The following PTPRD variants were observed in gnomAD, a reference collection of about 807,000 sequenced individuals.
PTPRD encodes protein tyrosine phosphatase receptor type D.
Under a neutral mutation model 214.5 loss-of-function variants are expected in PTPRD, and 34 were observed. The ratio of observed to expected loss-of-function variants is 0.16; its 90% CI spans 0.12 to 0.21. The LOEUF is 0.21. PTPRD is among the 10% of genes least tolerant of loss of function. PTPRD has a pLI of 1.00. For missense variants in PTPRD, 2,545 were observed against 2,398.7 expected, an observed-to-expected ratio of 1.06 and a Z score of -1.27; for synonymous variants, 1,128 against 845.7, an observed-to-expected ratio of 1.33 and a Z score of -5.79.
At chr9:8,614,184 T>C (rs1246828782) in intron 14 of PTPRD, among the ~76,000 whole-genome samples, 1 of 152,184 alleles carries the variant, frequency 6.6e-6, no homozygotes, top group African/African-American at 2.4e-5. Context: ...TTTTTGACCC[T>C]CATTCTTCAT....
intron 10 of PTPRD, among the ~76,000 whole-genome samples, chr9:9,024,579 C>T (rs2099581106): frequency 6.6e-6 from 1 of 151,486 alleles, no homozygotes; most frequent in Non-Finnish European, 1.5e-5. Context: ...CACACTGAAG[C>T]TAATAGTAGA....
At chr9:10,598,711 GGTGTGT>G (rs34859013) in intron 2 of PTPRD, among the ~76,000 whole-genome samples, 4 of 137,144 alleles carry the variant, frequency 2.9e-5, no homozygotes, top group South Asian at 2.5e-4. Context: ...TGTGGTGTGT[GGTGTGT>G]GTGTGTGTGT....
In PTPRD at chr9:9,043,575, T is replaced by A. The variant is rs180804132; in HGVS notation, c.-142-24840A>T. 7.9e-5 allele frequency among the ~76,000 whole-genome samples: 12 copies of A among 152,242 alleles called. No individual in the cohort carries two copies. In the East Asian group the frequency reaches 2.3e-3, roughly 29 times the overall value. The stretch of plus-strand genomic sequence containing the variant: ...TCTTTAAAAGAAAAATGGTCTGACT[T>A]TGAATGCCTTAGAAAATGAAAGGAA... On this transcript the variant is annotated intron_variant, in intron 10 of 45. Transcript: ENST00000381196.
chr9:8,436,569 A>C (rs971027151), intron 35 of PTPRD, 23 bp downstream of exon 35: 2 of 1,552,192 alleles, frequency 1.3e-6, no homozygotes, highest in Non-Finnish European at 8.9e-7. Context: ...AAATTACTGT[A>C]AAGAATAAAC....
At position 9,042,649 on chromosome 9, in the gene PTPRD, C is replaced by G. The variant is rs190030572; in HGVS notation, c.-142-23914G>C. On this transcript the variant is annotated intron_variant, in intron 10 of 45. Coordinates refer to ENST00000381196, the MANE Select transcript of PTPRD (RefSeq NM_002839.4). ...TTTTTTTTTTTGGTCTATTCAACAT[C>G]TGAGCCTCCTTAGGAGGCTTTTAGG... 2.2e-3 allele frequency among the ~76,000 whole-genome samples: 283 copies of G among 127,706 alleles called. 2 individuals are homozygous for G. The highest frequency in any genetic ancestry group is 8.4e-3 in the African/African-American group (276 of 32,914). 83.8% of individuals were successfully genotyped at this position (127,706 alleles called of 152,430 possible).
At chr9:9,265,709 T>C (rs1192601499) in intron 9 of PTPRD, among the ~76,000 whole-genome samples, 2 of 151,120 alleles carry the variant, frequency 1.3e-5, no homozygotes, top group East Asian at 3.9e-4. Flanking sequence ...CAAGAATCTA[T>C]AGTATATACA....
chr9:8,981,974 T>G (rs1416387353), intron 11 of PTPRD, among the ~76,000 whole-genome samples: 1 of 151,996 alleles, frequency 6.6e-6, no homozygotes, highest in African/African-American at 2.4e-5. Context: ...GAGCAAAAGG[T>G]AGATCACTTT....
At chr9:10,252,485 C>G (rs961235199) in intron 3 of PTPRD, among the ~76,000 whole-genome samples, 2 of 152,096 alleles carry the variant, frequency 1.3e-5, no homozygotes, top group African/African-American at 2.4e-5. Flanking sequence ...TCCATTGTCT[C>G]CCCCATTTTC....
chr9:10,153,076 G>T (rs1009877438), intron 3 of PTPRD, among the ~76,000 whole-genome samples: 1 of 152,186 alleles, frequency 6.6e-6, no homozygotes, highest in Middle Eastern at 3.4e-3. Flanking sequence ...GAAGAAATAA[G>T]TTCTGGACAT....
At chr9:10,175,837 G>C (rs1456261188) in intron 3 of PTPRD, among the ~76,000 whole-genome samples, 5 of 151,812 alleles carry the variant, frequency 3.3e-5, no homozygotes, top group African/African-American at 1.2e-4. Context: ...ACTTTGTCTG[G>C]AATTAGAAAG....
intron 3 of PTPRD, among the ~76,000 whole-genome samples, chr9:10,078,726 T>G (rs1590514883): frequency 6.6e-6 from 1 of 152,170 alleles, no homozygotes; most frequent in African/African-American, 2.4e-5. Flanking sequence ...TGATTGCTGT[T>G]TCAAAATGTG....
chr9:9,771,361 A>G (rs2098750392), intron 5 of PTPRD, among the ~76,000 whole-genome samples: 1 of 152,184 alleles, frequency 6.6e-6, no homozygotes, highest in Non-Finnish European at 1.5e-5. Flanking sequence ...AACCTAATTC[A>G]TATTCTGAAG....
chr9:9,150,203 A>G (rs968486739), intron 10 of PTPRD, among the ~76,000 whole-genome samples: 3 of 152,074 alleles, frequency 2.0e-5, no homozygotes, highest in Non-Finnish European at 2.9e-5. Context: ...GCTTTTTACC[A>G]TCAGAGGGTG....
intron 12 of PTPRD, chr9:8,713,618 C>T (rs542330323): frequency 3.8e-5 from 58 of 1,532,554 alleles, no homozygotes; most frequent in Middle Eastern, 2.3e-4. Flanking sequence ...CTGACCACCG[C>T]GGGCGCTGTC....
At chr9:10,326,732 T>C (rs919117082) in intron 3 of PTPRD, among the ~76,000 whole-genome samples, 1 of 151,644 alleles carries the variant, frequency 6.6e-6, no homozygotes, top group African/African-American at 2.4e-5. Flanking sequence ...ATCCATTTTA[T>C]ATAAACATTT....
At chr9:10,518,049 A>G (rs2134063127) in intron 2 of PTPRD, among the ~76,000 whole-genome samples, 1 of 152,304 alleles carries the variant, frequency 6.6e-6, no homozygotes, top group East Asian at 1.9e-4. Context: ...GAAGAAAGGA[A>G]AAAACTGTCA....
At chr9:9,182,301 C>T (rs1410056471) in intron 10 of PTPRD, among the ~76,000 whole-genome samples, 4 of 151,996 alleles carry the variant, frequency 2.6e-5, no homozygotes, top group Non-Finnish European at 5.9e-5. Flanking sequence ...GATACATCAA[C>T]CCCAAAATAA....
At chr9:8,693,282 T>C (rs964333564) in intron 12 of PTPRD, among the ~76,000 whole-genome samples, 1 of 152,194 alleles carries the variant, frequency 6.6e-6, no homozygotes, top group African/African-American at 2.4e-5. Flanking sequence ...ACACCTCATC[T>C]TCTTGTCTCC....
chr9:8,757,064 C>A (rs2094046319), intron 11 of PTPRD, among the ~76,000 whole-genome samples: 1 of 152,140 alleles, frequency 6.6e-6, no homozygotes, highest in African/African-American at 2.4e-5. Context: ...CTCACTTGAA[C>A]CTGGGAGGCA....
Sources: allele counts gnomAD v4.1 joint callset (sites outside exome capture counted in the v4.1 genomes callset), GRCh38; gene constraint gnomAD v4.1.1; transcripts MANE v1.5; gene names NCBI Gene and HGNC (gene_info 2026-07-23, HGNC 2026-07-21).